Variants in CBR4 observed in about 807,000 individuals in gnomAD.
CBR4 encodes carbonyl reductase 4.
CBR4 carries 22 observed loss-of-function variants against 21.0 expected under a neutral mutation model. That is an observed-to-expected ratio of 1.05 (90% CI 0.75 to 1.50). CBR4 has a LOEUF of 1.50. Among genes scored for constraint, CBR4 ranks in the 40% most tolerant of loss-of-function variants. CBR4 has a pLI of 0.00. For synonymous variants in CBR4, 100 were observed against 104.4 expected (o/e 0.96, Z 0.26); for missense variants, 302 against 286.3 (o/e 1.05, Z -0.40).
intron 2 of CBR4, among the ~76,000 whole-genome samples, chr4:168,902,666 T>C (rs1230634191): frequency 6.6e-6 from 1 of 152,016 alleles, no homozygotes; most frequent in Non-Finnish European, 1.5e-5. Flanking sequence ...AAACAAAACC[T>C]TAGAACTCGG....
chr4:168,935,882 C>T (rs1051043016), intron 2 of CBR4, among the ~76,000 whole-genome samples: 2 of 152,204 alleles, frequency 1.3e-5, no homozygotes, highest in African/African-American at 4.8e-5. Context: ...AAGAGAGCAG[C>T]AGATCTTGCA....
At chr4:168,916,172 G>C (rs1760044771) in intron 2 of CBR4, 1 of 836,426 alleles carries the variant, frequency 1.2e-6, no homozygotes, top group South Asian at 1.4e-5. Flanking sequence ...CAGCACTTTA[G>C]AGTCCAAAGC....
chr4:168,983,375 A>G (rs986087555), downstream of CBR4, among the ~76,000 whole-genome samples: 1 of 152,150 alleles, frequency 6.6e-6, no homozygotes, highest in Non-Finnish European at 1.5e-5. Context: ...GATGAAATTG[A>G]CACCCCGAAC....
chr4:168,902,195 A>C (rs1756665673), intron 2 of CBR4, among the ~76,000 whole-genome samples: 1 of 152,260 alleles, frequency 6.6e-6, no homozygotes. Context: ...ACCAATTTAC[A>C]TACTGATTTA....
At chr4:168,919,253 G>A (rs537951831) in intron 2 of CBR4, among the ~76,000 whole-genome samples, 11 of 152,274 alleles carry the variant, frequency 7.2e-5, no homozygotes, top group African/African-American at 2.6e-4. Flanking sequence ...GGCCAGGCAC[G>A]TGGGTCACGC....
intron 2 of CBR4, among the ~76,000 whole-genome samples, chr4:168,918,325 G>GATATATATATATAT (rs71588177): frequency 4.7e-5 from 7 of 149,558 alleles, no homozygotes; most frequent in East Asian, 3.9e-4. Context: ...GAAAATATGA[G>GATATATATATATAT]ATATATATAT....
At chr4:168,976,616 G>C (rs1560973680) in intron 2 of CBR4, among the ~76,000 whole-genome samples, 1 of 152,172 alleles carries the variant, frequency 6.6e-6, no homozygotes, top group Non-Finnish European at 1.5e-5. Context: ...GGGCAGGGAA[G>C]GATATTACAA....
At chr4:168,952,657 A>G (rs1054201761) in intron 2 of CBR4, among the ~76,000 whole-genome samples, 1 of 152,110 alleles carries the variant, frequency 6.6e-6, no homozygotes, top group East Asian at 1.9e-4. Flanking sequence ...TGGCTTCCTG[A>G]GAGCCGAGCT....
At chr4:168,987,429 A>G (rs1729040166), downstream of CBR4, among the ~76,000 whole-genome samples, 1 of 152,198 alleles carries the variant, frequency 6.6e-6, no homozygotes, top group African/African-American at 2.4e-5. Flanking sequence ...ACAAATACAA[A>G]ATATTTAGTA....
At chr4:168,940,923 T>C (rs1763246247) in intron 2 of CBR4, among the ~76,000 whole-genome samples, 1 of 152,224 alleles carries the variant, frequency 6.6e-6, no homozygotes, top group Non-Finnish European at 1.5e-5. Flanking sequence ...AGCAATCCCA[T>C]TACTGGGCAT....
intron 2 of CBR4, among the ~76,000 whole-genome samples, chr4:168,939,093 T>G (rs764927391): frequency 6.6e-6 from 1 of 152,162 alleles, no homozygotes; most frequent in Non-Finnish European, 1.5e-5. Flanking sequence ...AAAAAGCTTA[T>G]CTACCACGAT....
At chr4:168,926,467 C>T in intron 2 of CBR4, 1 of 930,706 alleles carries the variant, frequency 1.1e-6, no homozygotes, top group Non-Finnish European at 1.6e-6. Context: ...ATGTAAAAGG[C>T]AGAAACATAC....
At chr4:168,941,841 T>G (rs1763272365) in intron 2 of CBR4, among the ~76,000 whole-genome samples, 1 of 152,202 alleles carries the variant, frequency 6.6e-6, no homozygotes, top group African/African-American at 2.4e-5. Context: ...TTTATATAGT[T>G]AGTTGGCCAC....
At chr4:169,008,310 A>G (rs766725633) in intron 1 of CBR4, among the ~76,000 whole-genome samples, 10 of 151,844 alleles carry the variant, frequency 6.6e-5, no homozygotes, top group Non-Finnish European at 1.3e-4. Flanking sequence ...TAAAACTACA[A>G]ACCACGGGGG....
Position 168,988,306 on chromosome 4 carries a change from T to G in CBR4, c.*1844A>C. On this transcript the variant is annotated 3_prime_UTR_variant, in exon 5 of 5. Transcript: ENST00000306193. The stretch of plus-strand genomic sequence containing the variant: ...GTGGAATAGCTTAAAAGGTTATATT[T>G]CTTATTTTAAAGTATAAAAACATAC... 1.0e-6 allele frequency: 1 copy of G among 984,986 alleles called. No homozygotes were observed. The highest frequency in any genetic ancestry group is 1.2e-6 in the Non-Finnish European group (1 of 829,542). 61.0% of individuals were successfully genotyped at this position (984,986 alleles called of 1,614,324 possible). A position where few individuals can be genotyped will look rare whatever the true frequency, so the allele number is the denominator to read the frequency against.
chr4:168,946,116 T>C (rs1763390474), intron 2 of CBR4, among the ~76,000 whole-genome samples: 1 of 152,164 alleles, frequency 6.6e-6, no homozygotes, highest in Non-Finnish European at 1.5e-5. Flanking sequence ...ATAAGCTTCC[T>C]TGGCTGAGAG....
chr4:168,920,762 G>C (rs969683130), intron 2 of CBR4, among the ~76,000 whole-genome samples: 7 of 152,136 alleles, frequency 4.6e-5, no homozygotes, highest in African/African-American at 1.7e-4. Context: ...TCAGTTTCAA[G>C]GATTATAAAA....
intron 2 of CBR4, chr4:168,898,544 A>G (rs1036637372): frequency 6.2e-7 from 1 of 1,614,028 alleles, no homozygotes. Flanking sequence ...AATAGAGTAC[A>G]GGCTAGAAAG....
At chr4:168,996,432 C>T (rs993253448) in intron 4 of CBR4, among the ~76,000 whole-genome samples, 1 of 141,304 alleles carries the variant, frequency 7.1e-6, no homozygotes, top group African/African-American at 2.6e-5. Context: ...TTCCATTTCC[C>T]ATTACTAACA....
Sources: gnomAD v4.1 joint callset for allele counts (sites outside exome capture counted in the v4.1 genomes callset) on GRCh38, gnomAD v4.1.1 for gene constraint, MANE v1.5 for transcripts, NCBI Gene and HGNC (gene_info 2026-07-23, HGNC 2026-07-21) for gene names.